The following RBFOX1 variants were observed in gnomAD, a reference collection of about 807,000 sequenced individuals.
RBFOX1 encodes the protein RNA binding fox-1 homolog 1, also known as RNA binding protein fox-1 homolog 1.
Under a neutral mutation model 57.7 loss-of-function variants are expected in RBFOX1, and 8 were observed. The observed-to-expected ratio is 0.14, with a 90% CI of 0.08 to 0.25. The LOEUF (loss-of-function observed/expected upper bound fraction) is 0.25. RBFOX1 is among the 10% of genes least tolerant of loss of function. The pLI is 1.00. For missense variants in RBFOX1, 611 were observed against 548.5 expected, an observed-to-expected ratio of 1.11 and a Z score of -1.14; for synonymous variants, 326 against 222.4, an observed-to-expected ratio of 1.47 and a Z score of -4.15.
At chr16:5,352,231 G>T (rs1399375879) in intron 1 of RBFOX1, among the ~76,000 whole-genome samples, 1 of 152,134 alleles carries the variant, frequency 6.6e-6, no homozygotes, top group African/African-American at 2.4e-5. Flanking sequence ...TCCTGCGCTT[G>T]TCCACCCTGG....
intron 2 of RBFOX1, among the ~76,000 whole-genome samples, chr16:6,647,446 C>T (rs913836553): frequency 5.3e-4 from 80 of 152,098 alleles, no homozygotes; most frequent in African/African-American, 1.8e-3. Flanking sequence ...TGGGGTTTCA[C>T]CTTGTTGGCC....
intron 3 of RBFOX1, among the ~76,000 whole-genome samples, chr16:5,677,597 T>G (rs1402244238): frequency 6.6e-6 from 1 of 152,202 alleles, no homozygotes; most frequent in African/African-American, 2.4e-5. Context: ...AGACACTAGA[T>G]TAACTTCTAT....
At chr16:6,506,520 G>T (rs891433292) in intron 2 of RBFOX1, among the ~76,000 whole-genome samples, 1 of 151,904 alleles carries the variant, frequency 6.6e-6, no homozygotes, top group African/African-American at 2.4e-5. Context: ...GTTAAGTGGG[G>T]ACCATTTATA....
intron 3 of RBFOX1, among the ~76,000 whole-genome samples, chr16:5,765,416 C>T (rs1336285382): frequency 3.9e-5 from 6 of 152,110 alleles, no homozygotes; most frequent in Non-Finnish European, 5.9e-5. Flanking sequence ...AAACTCTTAC[C>T]AGCAAATGAT....
At chr16:6,895,622 GGA>G (rs1167504063) in intron 3 of RBFOX1, among the ~76,000 whole-genome samples, 1 of 151,612 alleles carries the variant, frequency 6.6e-6, no homozygotes, top group Non-Finnish European at 1.5e-5. Context: ...AGAAAAAAAT[GGA>G]GAGTCATAGA....
At chr16:7,376,801 C>G (rs938639525) in intron 4 of RBFOX1, among the ~76,000 whole-genome samples, 2 of 152,254 alleles carry the variant, frequency 1.3e-5, no homozygotes, top group African/African-American at 4.8e-5. Flanking sequence ...GCTGATGTCC[C>G]TTGCAGTAGA....
At chr16:7,115,660 A>G (rs2065745787) in intron 4 of RBFOX1, among the ~76,000 whole-genome samples, 2 of 152,232 alleles carry the variant, frequency 1.3e-5, no homozygotes, top group African/African-American at 4.8e-5. Context: ...AAGCAATTCA[A>G]GAGAGAATGA....
At chr16:6,982,611 G>C (rs1446357237) in intron 3 of RBFOX1, among the ~76,000 whole-genome samples, 2 of 152,186 alleles carry the variant, frequency 1.3e-5, no homozygotes, top group Non-Finnish European at 2.9e-5. Flanking sequence ...TTTGTACCAG[G>C]AGCTGAGCAA....
At chr16:6,298,435 T>TA (rs1356427813) in intron 1 of RBFOX1, among the ~76,000 whole-genome samples, 1 of 152,172 alleles carries the variant, frequency 6.6e-6, no homozygotes, top group Admixed American at 6.5e-5. Context: ...CCCTAAGACA[T>TA]AAAAAACAAT....
intron 1 of RBFOX1, among the ~76,000 whole-genome samples, chr16:6,026,686 G>A (rs2095201783): frequency 6.6e-6 from 1 of 152,272 alleles, no homozygotes; most frequent in East Asian, 1.9e-4. Context: ...TTATCGTTGT[G>A]TAAGAGCCTC....
intron 2 of RBFOX1, among the ~76,000 whole-genome samples, chr16:6,612,135 G>A (rs531984324): frequency 7.9e-5 from 12 of 152,190 alleles, no homozygotes; most frequent in Admixed American, 3.9e-4. Flanking sequence ...ATTATCCCTG[G>A]TAAGAATTTG....
At chr16:5,730,626 CCAT>C (rs1415495263) in intron 3 of RBFOX1, among the ~76,000 whole-genome samples, 5 of 151,728 alleles carry the variant, frequency 3.3e-5, no homozygotes, top group Admixed American at 6.6e-5. Flanking sequence ...ACCACTGTCA[CCAT>C]CATCATCACT....
chr16:7,233,496 G>C (rs1342121916), intron 4 of RBFOX1, among the ~76,000 whole-genome samples: 2 of 152,282 alleles, frequency 1.3e-5, no homozygotes, highest in East Asian at 1.9e-4. Context: ...CCGTCGATCA[G>C]CACTTGTTAA....
rs532192979 is a variant in RBFOX1 at position 6,800,094 on chromosome 16, G to T, written c.-16+145444G>T. 1.2e-4 allele frequency among the ~76,000 whole-genome samples: 19 copies of T among 152,192 alleles called. No homozygotes were observed. The Middle Eastern group carries it at 0.017, about 136-fold the overall frequency. The stretch of plus-strand genomic sequence containing the variant: ...GGTGTCAGTAAACTGTCATGGTGCT[G>T]GTAGGATTGTCTTATGCAGATGTAT... On this transcript the variant is annotated intron_variant, in intron 3 of 15. Transcript: ENST00000550418.
chr16:5,708,581 C>G (rs1303426802), intron 3 of RBFOX1, among the ~76,000 whole-genome samples: 1 of 152,202 alleles, frequency 6.6e-6, no homozygotes, highest in Non-Finnish European at 1.5e-5. Flanking sequence ...CTGACCCCCA[C>G]CACCTCAACC....
intron 3 of RBFOX1, among the ~76,000 whole-genome samples, chr16:6,957,754 G>A (rs978922763): frequency 2.6e-5 from 4 of 152,112 alleles, no homozygotes; most frequent in East Asian, 1.9e-4. Flanking sequence ...GAGTTGCTCT[G>A]GTTCAAACAT....
chr16:6,388,245 T>G (rs1402622248), intron 2 of RBFOX1, among the ~76,000 whole-genome samples: 1 of 151,980 alleles, frequency 6.6e-6, no homozygotes, highest in Non-Finnish European at 1.5e-5. Context: ...GGATTACAGG[T>G]GTGAGCCACC....
chr16:7,123,121 C>T (rs1276395863), intron 4 of RBFOX1, among the ~76,000 whole-genome samples: 5 of 152,122 alleles, frequency 3.3e-5, no homozygotes, highest in Non-Finnish European at 7.3e-5. Flanking sequence ...TTCCTAATTG[C>T]ACAGCCGTTA....
chr16:6,015,979 C>G (rs143619826), upstream of RBFOX1, among the ~76,000 whole-genome samples: 1 of 152,204 alleles, frequency 6.6e-6, no homozygotes, highest in Admixed American at 6.5e-5. Context: ...ACTGAAAGAA[C>G]AAAGGACTAC....
Sources: allele counts gnomAD v4.1 joint callset (sites outside exome capture counted in the v4.1 genomes callset), GRCh38; gene constraint gnomAD v4.1.1; transcripts MANE v1.5; gene names NCBI Gene and HGNC (gene_info 2026-07-23, HGNC 2026-07-21).